The following RNLS variants were observed in gnomAD, a reference collection of about 807,000 sequenced individuals.
The protein encoded by RNLS is renalase.
A neutral mutation model predicts 39.8 loss-of-function variants in RNLS; 39 were observed. The ratio of observed to expected loss-of-function variants is 0.98; its 90% CI spans 0.76 to 1.28. The LOEUF (loss-of-function observed/expected upper bound fraction) is 1.28, where lower values mean the gene tolerates loss of function less well. RNLS is among the 50% of genes most tolerant of loss of function. RNLS has a pLI of 0.00. For synonymous variants in RNLS, 147 were observed against 150.7 expected (o/e 0.98, Z 0.18); for missense variants, 410 against 413.3 (o/e 0.99, Z 0.07).
intron 4 of RNLS, among the ~76,000 whole-genome samples, chr10:88,565,523 C>T (rs1223175818): frequency 6.6e-6 from 1 of 152,052 alleles, no homozygotes; most frequent in African/African-American, 2.4e-5. Flanking sequence ...ATGAATTAAA[C>T]ACAAAATGAT....
chr10:88,534,313 T>C lies in RNLS; in HGVS notation c.526+38590A>G, dbSNP rs568274504. On this transcript the variant is annotated intron_variant, in intron 4 of 6. Coordinates refer to ENST00000331772, the MANE Select transcript of RNLS (RefSeq NM_001031709.3). ...TCTACCCTTGGCTCCCCTGTGTAGCTGTGTGACCTAATACTGGTCATATAA... is the reference window on the plus strand; with the variant it reads ...TCTACCCTTGGCTCCCCTGTGTAGCCGTGTGACCTAATACTGGTCATATAA... 7.9e-5 allele frequency among the ~76,000 whole-genome samples: 12 copies of C among 152,252 alleles called. No homozygotes were observed. The South Asian group carries it at 1.4e-3, about 18-fold the overall frequency.
intron 4 of RNLS, among the ~76,000 whole-genome samples, chr10:88,498,047 T>A (rs1157192126): frequency 6.6e-6 from 1 of 152,054 alleles, no homozygotes; most frequent in Non-Finnish European, 1.5e-5. Flanking sequence ...GAAAGTTTGA[T>A]GAGAAACAGG....
intron 4 of RNLS, among the ~76,000 whole-genome samples, chr10:88,516,197 T>C (rs1589937667): frequency 1.3e-5 from 2 of 151,974 alleles, no homozygotes; most frequent in African/African-American, 4.8e-5. Context: ...ATGGCAGCCC[T>C]AGCAAACTAA....
chr10:88,314,672 C>A, intron 5 of RNLS, 31 bp from the exon 6 acceptor site: 1 of 1,592,132 alleles, frequency 6.3e-7, no homozygotes, highest in Non-Finnish European at 8.6e-7. Context: ...AAAGATGCAT[C>A]TTAAAGTGGG....
intron 4 of RNLS, among the ~76,000 whole-genome samples, chr10:88,391,083 T>C (rs1852169381): frequency 6.6e-6 from 1 of 152,210 alleles, no homozygotes; most frequent in Non-Finnish European, 1.5e-5. Flanking sequence ...CATATGACAT[T>C]TGAATCCTCT....
chr10:88,230,418 G>A, the RNLS span, among the ~76,000 whole-genome samples: 2 of 151,798 alleles, frequency 1.3e-5, no homozygotes, highest in Non-Finnish European at 2.9e-5. Flanking sequence ...CACCTGAGTC[G>A]CCCCCTCTGC....
intron 4 of RNLS, among the ~76,000 whole-genome samples, chr10:88,407,278 A>G (rs958063766): frequency 4.6e-5 from 7 of 152,020 alleles, no homozygotes; most frequent in African/African-American, 1.4e-4. Flanking sequence ...AAAAGAACAT[A>G]ATATCTATCC....
At chr10:88,270,247 T>A (rs1443207535), downstream of RNLS, among the ~76,000 whole-genome samples, 4 of 152,184 alleles carry the variant, frequency 2.6e-5, no homozygotes, top group Non-Finnish European at 4.4e-5. Context: ...GAGACGCAAA[T>A]TAGACCTATT....
intron 4 of RNLS, among the ~76,000 whole-genome samples, chr10:88,457,538 T>C (rs1486133709): frequency 6.6e-6 from 1 of 152,258 alleles, no homozygotes; most frequent in Non-Finnish European, 1.5e-5. Flanking sequence ...GATTTTCTGC[T>C]GAAAAATGCA....
chr10:88,329,172 A>G (rs995240953), intron 5 of RNLS, among the ~76,000 whole-genome samples: 2 of 151,846 alleles, frequency 1.3e-5, no homozygotes, highest in Non-Finnish European at 2.9e-5. Flanking sequence ...GACTCAAGCA[A>G]TCCTCCTGCC....
At chr10:88,487,803 G>C (rs1176361229) in intron 4 of RNLS, among the ~76,000 whole-genome samples, 1 of 152,086 alleles carries the variant, frequency 6.6e-6, no homozygotes, top group Non-Finnish European at 1.5e-5. Flanking sequence ...GTTTGTCATA[G>C]TCGCAAATGG....
Position 88,285,461 on chromosome 10 carries a change from G to A in RNLS, c.922C>T (p.His308Tyr), listed in dbSNP as rs774777352. ...ANCPGQMTLH[H>Y]KPFLACGGDG... Reference sequence around the variant, plus strand: ...CCTCCACATGCAAGGAAAGGTTTGTGATGCAGAGTCATTTGGCCAGGACAG... The same window carrying A: ...CCTCCACATGCAAGGAAAGGTTTGTAATGCAGAGTCATTTGGCCAGGACAG... Residue 308 changes from histidine (H) to tyrosine (Y), a missense_variant, in exon 7 of 7, where the codon CAC becomes TAC. His to Tyr is a moderately conservative substitution (Grantham distance 83). Transcript: ENST00000331772. 7.4e-6 allele frequency: 12 copies of A among 1,613,050 alleles called. No individual in the cohort carries two copies. Among genetic ancestry groups the A allele is most frequent in the Non-Finnish European group, 1.0e-5 (12 of 1,179,428 alleles).
the RNLS span, among the ~76,000 whole-genome samples, chr10:88,219,227 T>C: frequency 6.6e-6 from 1 of 152,198 alleles, no homozygotes; most frequent in African/African-American, 2.4e-5. Flanking sequence ...ACATCTTTGT[T>C]ATTTGAGTAA....
chr10:88,421,415 T>C (rs2133759544), intron 4 of RNLS, among the ~76,000 whole-genome samples: 1 of 152,318 alleles, frequency 6.6e-6, no homozygotes, highest in Middle Eastern at 3.4e-3. Flanking sequence ...ACCCAAGCTT[T>C]AAAAGCTAAT....
chr10:88,291,780 C>A (rs1338779820), intron 6 of RNLS, among the ~76,000 whole-genome samples: 1 of 152,052 alleles, frequency 6.6e-6, no homozygotes. Context: ...CCCTTTAATG[C>A]CAAGAAACAG....
chr10:88,236,920 T>C, the RNLS span, among the ~76,000 whole-genome samples: 5 of 152,258 alleles, frequency 3.3e-5, no homozygotes, highest in East Asian at 9.7e-4. Flanking sequence ...CACTGCTAAG[T>C]ACAGGGCTAC....
chr10:88,257,043 C>CAA, the RNLS span, among the ~76,000 whole-genome samples: 488 of 146,520 alleles, frequency 3.3e-3, 2 homozygotes, highest in Non-Finnish European at 4.7e-3. Context: ...TGTGTTGTGC[C>CAA]AAAAAAAAAA....
chr10:88,285,590 C>G, intron 6 of RNLS, 84 bp from the exon 7 acceptor site: 1 of 1,169,800 alleles, frequency 8.5e-7, no homozygotes, highest in Non-Finnish European at 1.2e-6. Context: ...AAAGGTTAGT[C>G]TACCTGGAGA....
rs1475486630 is a variant in RNLS at position 88,367,117 on chromosome 10, G to GA, written c.527-4393dup. Among the ~76,000 whole-genome samples the GA allele has an allele frequency of 1.7e-4, 26 of 152,006 alleles. 1 individual carries two copies. Among genetic ancestry groups the GA allele is most frequent in the African/African-American group, 6.3e-4 (26 of 41,494 alleles). On this transcript the variant is annotated intron_variant, in intron 4 of 6. Coordinates refer to ENST00000331772, the MANE Select transcript of RNLS (RefSeq NM_001031709.3). ...TTAATAGAGGTTTAACATACATAGAGAAAATTATGCCTTGATGAATTTTCA... is the reference window on the plus strand; with the variant it reads ...TTAATAGAGGTTTAACATACATAGAGAAAAATTATGCCTTGATGAATTTTCA...
Sources: gnomAD v4.1 joint callset for allele counts (sites outside exome capture counted in the v4.1 genomes callset) on GRCh38, gnomAD v4.1.1 for gene constraint, MANE v1.5 for transcripts, NCBI Gene and HGNC (gene_info 2026-07-23, HGNC 2026-07-21) for gene names.